The following VTI1A variants were observed in gnomAD, a reference collection of about 807,000 sequenced individuals.
VTI1A encodes vesicle transport through interaction with t-SNAREs homolog 1A.
In VTI1A, 22 loss-of-function variants were observed where a neutral mutation model predicts 34.9. That is an observed-to-expected ratio of 0.63 (90% CI 0.45 to 0.90). The LOEUF (loss-of-function observed/expected upper bound fraction) is 0.90. Among genes scored for constraint, VTI1A ranks in the 40% least tolerant of loss-of-function variants. VTI1A has a pLI of 0.00. For synonymous variants in VTI1A, 87 were observed against 97.3 expected (o/e 0.89, Z 0.62); for missense variants, 268 against 275.6 (o/e 0.97, Z 0.20).
At chr10:112,549,000 C>G in intron 5 of VTI1A, 1 of 608,316 alleles carries the variant, frequency 1.6e-6, no homozygotes, top group East Asian at 2.8e-5. Context: ...CCTGCCTTCT[C>G]TTCAAGAAAT....
At chr10:112,801,659 A>G (rs1852881608) in intron 7 of VTI1A, among the ~76,000 whole-genome samples, 2 of 152,188 alleles carry the variant, frequency 1.3e-5, no homozygotes, top group African/African-American at 4.8e-5. Flanking sequence ...TTATGTAAAA[A>G]TAAAAAATCG....
intron 3 of VTI1A, chr10:112,485,357 T>C (rs930438069): frequency 6.6e-6 from 1 of 152,048 alleles, no homozygotes; most frequent in Non-Finnish European, 1.5e-5. Context: ...TTTTGGGAAA[T>C]AGCCATGTAT....
intron 2 of VTI1A, among the ~76,000 whole-genome samples, chr10:112,462,422 A>C (rs904038721): frequency 1.3e-5 from 2 of 152,204 alleles, no homozygotes; most frequent in Non-Finnish European, 2.9e-5. Flanking sequence ...TTAAATATCC[A>C]TATAAAATAT....
intron 5 of VTI1A, among the ~76,000 whole-genome samples, chr10:112,627,099 C>G (rs1845950021): frequency 1.3e-5 from 2 of 152,190 alleles, no homozygotes; most frequent in Non-Finnish European, 2.9e-5. Flanking sequence ...AGCTCTATCT[C>G]AAGATGAGCT....
intron 5 of VTI1A, among the ~76,000 whole-genome samples, chr10:112,545,491 T>G (rs1218024217): frequency 6.6e-6 from 1 of 152,244 alleles, no homozygotes; most frequent in Non-Finnish European, 1.5e-5. Flanking sequence ...TGGTATTTCT[T>G]TTTTCTGTCT....
the VTI1A span, among the ~76,000 whole-genome samples, chr10:112,853,638 C>G: frequency 6.6e-6 from 1 of 152,324 alleles, no homozygotes; most frequent in East Asian, 1.9e-4. Context: ...TTCAAGACCT[C>G]TCTGCTTTTC....
intron 7 of VTI1A, among the ~76,000 whole-genome samples, chr10:112,800,978 A>G (rs1330885966): frequency 2.0e-5 from 3 of 152,174 alleles, no homozygotes; most frequent in Admixed American, 6.5e-5. Context: ...TCCAAAAATG[A>G]GGGTGGTTGC....
intron 7 of VTI1A, among the ~76,000 whole-genome samples, chr10:112,788,323 T>C (rs955792107): frequency 2.6e-5 from 4 of 152,194 alleles, no homozygotes; most frequent in African/African-American, 7.2e-5. Context: ...TTTCAAGACT[T>C]AGTTATTAGG....
Position 112,800,198 on chromosome 10 carries a change from A to G in VTI1A, c.561-15092A>G, listed in dbSNP as rs183764562. Among the ~76,000 whole-genome samples, 7 of 152,350 alleles carry G rather than the reference A, an allele frequency of 4.6e-5. No homozygotes were observed. In the East Asian group the frequency reaches 1.4e-3, roughly 29 times the overall value. The stretch of plus-strand genomic sequence containing the variant: ...AGCCGAGTCTTCACCAATATGTTCC[A>G]GGAGAGGCATCTTGGCCGTCAACGA... On this transcript the variant is annotated intron_variant, in intron 7 of 7. Transcript: ENST00000393077.
intron 5 of VTI1A, among the ~76,000 whole-genome samples, chr10:112,618,576 C>A (rs1397615326): frequency 1.6e-5 from 2 of 128,514 alleles, no homozygotes; most frequent in Non-Finnish European, 3.2e-5. Context: ...TATCAACGGG[C>A]TGTTAAGAAG....
intron 5 of VTI1A, among the ~76,000 whole-genome samples, chr10:112,549,286 A>G (rs1026563992): frequency 1.2e-4 from 18 of 152,238 alleles, no homozygotes; most frequent in East Asian, 7.7e-4. Context: ...CACTTATTCA[A>G]CAGGTTTCGT....
At chr10:112,822,407 A>C (rs1429267279), downstream of VTI1A, among the ~76,000 whole-genome samples, 1 of 152,180 alleles carries the variant, frequency 6.6e-6, no homozygotes, top group African/African-American at 2.4e-5. Flanking sequence ...GGATCGAGAA[A>C]GAGCAGGGAG....
intron 7 of VTI1A, among the ~76,000 whole-genome samples, chr10:112,691,378 C>T (rs777556394): frequency 6.6e-6 from 1 of 152,150 alleles, no homozygotes; most frequent in African/African-American, 2.4e-5. Flanking sequence ...TAGCAAGGAA[C>T]CCTACATTCT....
rs1844325747 is a variant in VTI1A, at chr10:112,589,996, C to T, written c.427+51666C>T. Among the ~76,000 whole-genome samples the T allele has an allele frequency of 2.0e-5, 3 of 152,058 alleles. No individual in the cohort carries two copies. In the East Asian group the frequency reaches 5.8e-4, roughly 29 times the overall value. ...TTAATTTGTATAGGGTTTGAAGGGC[C>T]AAACCTTAATGTTAGGGTGCTATTT... On this transcript the variant is annotated intron_variant, in intron 5 of 7. Coordinates refer to ENST00000393077, the MANE Select transcript of VTI1A (RefSeq NM_145206.4).
At chr10:112,525,520 T>G (rs1482911321) in intron 3 of VTI1A, among the ~76,000 whole-genome samples, 1 of 152,194 alleles carries the variant, frequency 6.6e-6, no homozygotes, top group Non-Finnish European at 1.5e-5. Context: ...AGAGCTACCT[T>G]TAGAATTCCA....
intron 7 of VTI1A, among the ~76,000 whole-genome samples, chr10:112,686,632 G>C (rs181742181): frequency 6.6e-6 from 1 of 152,260 alleles, no homozygotes; most frequent in Admixed American, 6.5e-5. Flanking sequence ...GTCCTTCTAA[G>C]TGGTATAGTG....
intron 7 of VTI1A, chr10:112,752,362 A>G (rs1312019860): frequency 2.6e-5 from 26 of 985,162 alleles, no homozygotes; most frequent in African/African-American, 3.5e-5. Flanking sequence ...GGTTTGTGCT[A>G]TTCTGATTAC....
At chr10:112,737,908 G>C (rs1034430543) in intron 7 of VTI1A, 3 of 1,062,812 alleles carry the variant, frequency 2.8e-6, no homozygotes, top group Non-Finnish European at 3.4e-6. Flanking sequence ...GTGAGGGAGA[G>C]AGCTGAGGAT....
intron 7 of VTI1A, among the ~76,000 whole-genome samples, chr10:112,713,737 A>C (rs1387569978): frequency 6.6e-6 from 1 of 152,242 alleles, no homozygotes; most frequent in Non-Finnish European, 1.5e-5. Context: ...CATTTAAATT[A>C]TCAGTGATGT....
Sources: allele counts gnomAD v4.1 joint callset (sites outside exome capture counted in the v4.1 genomes callset), GRCh38; gene constraint gnomAD v4.1.1; transcripts MANE v1.5; gene names NCBI Gene and HGNC (gene_info 2026-07-23, HGNC 2026-07-21).